MON2: variants seen among roughly 807,000 people sequenced by gnomAD.
MON2 encodes the protein protein MON2 homolog.
Under a neutral mutation model 208.6 loss-of-function variants are expected in MON2, and 84 were observed. The ratio of observed to expected loss-of-function variants is 0.40; its 90% CI spans 0.34 to 0.48. The LOEUF (loss-of-function observed/expected upper bound fraction) is 0.48, where lower values mean the gene tolerates loss of function less well. Ranked by LOEUF, MON2 falls within the 20% of genes least tolerant of loss-of-function variation. The probability of loss-of-function intolerance (pLI) is 0.59; values close to 1 mark genes in which losing one functional copy is unlikely to be tolerated. For missense variants in MON2, 1,611 were observed against 2,015.4 expected, an observed-to-expected ratio of 0.80 and a Z score of 3.84; for synonymous variants, 660 against 694.0, an observed-to-expected ratio of 0.95 and a Z score of 0.77.
Position 62,560,638 on chromosome 12 carries a change from A to G in MON2, c.3557A>G (p.Glu1186Gly). Residue 1186 changes from glutamate to glycine, a missense_variant, in exon 26 of 35, where the codon GAG becomes GGG. Coordinates refer to ENST00000393630, the MANE Select transcript of MON2 (RefSeq NM_015026.3). ...VSPVRDSDKP[E>G]TPPVVNVPVP... ...CCTGTCAGAGACTCAGATAAGCCTG[A>G]GACACCACCTGTAGTTAATGTACCT... is the stretch of plus-strand genomic sequence containing the variant. The G allele has an allele frequency of 2.5e-6, 4 of 1,614,094 alleles. No individual in the cohort carries two copies. Among genetic ancestry groups the G allele is most frequent in the Non-Finnish European group, 3.4e-6 (4 of 1,180,002 alleles).
In MON2 at chr12:62,593,330, C is replaced by T. The variant is rs1470415269; in HGVS notation, c.*581C>T. The T allele has an allele frequency of 6.6e-6, 1 of 152,368 alleles. No individual in the cohort carries two copies. The highest frequency in any genetic ancestry group is 1.5e-5 in the Non-Finnish European group (1 of 67,948). The allele number at this position is 152,368 out of a possible 1,614,324, so 9.4% of individuals were successfully genotyped here. ...TATTGATAATGTTAAATGCTTAAAG[C>T]TCTATTTATTATTAATACAAAATTG... On this transcript the variant is annotated 3_prime_UTR_variant, in exon 35 of 35. Coordinates refer to ENST00000393630, the MANE Select transcript of MON2 (RefSeq NM_015026.3).
intron 20 of MON2, among the ~76,000 whole-genome samples, chr12:62,543,818 G>T (rs1308460253): frequency 2.0e-5 from 3 of 152,102 alleles, no homozygotes; most frequent in African/African-American, 7.2e-5. Flanking sequence ...ATATTAGCCA[G>T]GCTGGTCTTG....
intron 8 of MON2, among the ~76,000 whole-genome samples, chr12:62,518,869 A>G (rs2071846740): frequency 6.6e-6 from 1 of 152,198 alleles, no homozygotes; most frequent in Non-Finnish European, 1.5e-5. Flanking sequence ...CTACATTGGG[A>G]CATCTTAGCT....
At chr12:62,588,372 C>CT (rs71086612) in intron 34 of MON2, among the ~76,000 whole-genome samples, 56,694 of 147,008 alleles carry the variant, frequency 0.39, 10,905 homozygotes, top group African/African-American at 0.47. Context: ...GTCTACCTTA[C>CT]TTTTTTTTTT....
At chr12:62,543,226 AT>A (rs1259499968) in intron 20 of MON2, 28 bp downstream of exon 20, 5 of 1,236,622 alleles carry the variant, frequency 4.0e-6, no homozygotes, top group Admixed American at 5.1e-5. Flanking sequence ...AATATATTTA[AT>A]TTTTTAATAA....
intron 1 of MON2, among the ~76,000 whole-genome samples, chr12:62,473,847 A>G (rs868298254): frequency 6.6e-5 from 10 of 152,272 alleles, no homozygotes; most frequent in Middle Eastern, 6.8e-3. Flanking sequence ...CTGGGATTAC[A>G]GACCCGAGCC....
chr12:62,469,032 C>G (rs1193012448), intron 1 of MON2, among the ~76,000 whole-genome samples: 1 of 151,910 alleles, frequency 6.6e-6, no homozygotes. Context: ...CTCGAACTCC[C>G]TGGCTCAGGT....
rs1415647577 is a variant in MON2, at chr12:62,561,049, A to C, written c.3968A>C (p.Tyr1323Ser). ...SDASPFILPS[Y>S]TEAVLTSLQE... Reference sequence around the variant, plus strand: ...GCATCCCCTTTTATTCTTCCATCTTATACCGAAGCAGTTTTGACAAGTTTA... The same window carrying C: ...GCATCCCCTTTTATTCTTCCATCTTCTACCGAAGCAGTTTTGACAAGTTTA... The change falls in exon 26 of 35, where the codon TAT becomes TCT. Residue 1323 changes from tyrosine to serine, a missense_variant. Physicochemically the swap from Tyr to Ser is moderately radical, Grantham distance 144. Transcript: ENST00000393630. 6.2e-7 allele frequency: 1 copy of C among 1,613,216 alleles called. No homozygotes were observed. Among genetic ancestry groups the C allele is most frequent in the Non-Finnish European group, 8.5e-7 (1 of 1,179,346 alleles).
chr12:62,544,347 G>T (rs1000430503), intron 20 of MON2, among the ~76,000 whole-genome samples: 2 of 152,128 alleles, frequency 1.3e-5, no homozygotes, highest in African/African-American at 4.8e-5. Context: ...TTGGGAGGCT[G>T]AATGGGGAGA....
At position 62,537,587 on chromosome 12, in the gene MON2, C is replaced by T. The variant is rs755953867; in HGVS notation, c.2014-15C>T. 3 of 1,556,400 alleles carry T rather than the reference C, an allele frequency of 1.9e-6. No homozygotes were observed. Among genetic ancestry groups the T allele is most frequent in the South Asian group, 1.2e-5 (1 of 85,198 alleles). ...ACATAACAATTATTGAAAATGTATC[C>T]TTTTTAAAATATAGCTGACTTCCAA... is the stretch of plus-strand genomic sequence containing the variant. On this transcript the variant is annotated splice_polypyrimidine_tract_variant and intron_variant, in intron 15 of 34. Transcript: ENST00000393630.
At chr12:62,554,200 A>AT (rs1047389741) in intron 24 of MON2, among the ~76,000 whole-genome samples, 3 of 152,136 alleles carry the variant, frequency 2.0e-5, no homozygotes, top group African/African-American at 7.2e-5. Flanking sequence ...ATTCTTAATG[A>AT]TTTTTTTCTC....
intron 5 of MON2, 129 bp downstream of exon 5, chr12:62,499,177 C>A (rs1405045113): frequency 1.0e-6 from 1 of 956,104 alleles, no homozygotes. Context: ...ATAAATTCCT[C>A]ACAATTTGAT....
At chr12:62,511,097 G>GA (rs1592915927) in intron 8 of MON2, among the ~76,000 whole-genome samples, 2 of 152,142 alleles carry the variant, frequency 1.3e-5, no homozygotes, top group African/African-American at 2.4e-5. Flanking sequence ...AAACATTATT[G>GA]AAAGAAATTT....
intron 8 of MON2, chr12:62,508,830 CAT>C: frequency 5.0e-6 from 1 of 198,922 alleles, no homozygotes; most frequent in Non-Finnish European, 1.0e-5. Context: ...TATACTGTTT[CAT>C]ATGTCTTAAC....
chr12:62,477,011 G>A (rs527310100), intron 1 of MON2, among the ~76,000 whole-genome samples: 5 of 152,190 alleles, frequency 3.3e-5, no homozygotes, highest in South Asian at 4.2e-4. Context: ...TTAGCTGGAC[G>A]TGGTGGTGTG....
intron 4 of MON2, among the ~76,000 whole-genome samples, chr12:62,495,550 T>G (rs1017339096): frequency 4.6e-5 from 7 of 151,702 alleles, no homozygotes; most frequent in African/African-American, 1.7e-4. Flanking sequence ...ATTAGCCAGG[T>G]GTAGTGGCGG....
At chr12:62,482,356 G>A (rs887033375) in intron 1 of MON2, 8 of 152,246 alleles carry the variant, frequency 5.3e-5, no homozygotes, top group African/African-American at 1.9e-4. Context: ...ATCTTACAAT[G>A]TGTTCTTTAT....
chr12:62,512,792 C>A (rs997370973), intron 8 of MON2, among the ~76,000 whole-genome samples: 1 of 152,190 alleles, frequency 6.6e-6, no homozygotes, highest in Non-Finnish European at 1.5e-5. Context: ...CCATGAAGAC[C>A]CTGCTCCTAC....
chr12:62,537,065 G>T, intron 14 of MON2, 86 bp from the exon 15 acceptor site: 1 of 736,278 alleles, frequency 1.4e-6, no homozygotes, highest in Non-Finnish European at 2.1e-6. Flanking sequence ...GGCTAAACTT[G>T]GTTTAATCAA....
Sources: allele counts gnomAD v4.1 joint callset (sites outside exome capture counted in the v4.1 genomes callset), GRCh38; gene constraint gnomAD v4.1.1; transcripts MANE v1.5; gene names NCBI Gene and HGNC (gene_info 2026-07-23, HGNC 2026-07-21).